RIOK3: variants seen among roughly 807,000 people sequenced by gnomAD.
The protein encoded by RIOK3 is serine/threonine-protein kinase RIO3.
In RIOK3, 40 loss-of-function variants were observed where a neutral mutation model predicts 63.5. That is an observed-to-expected ratio of 0.63 (90% confidence interval 0.49 to 0.82). The LOEUF (loss-of-function observed/expected upper bound fraction) is 0.82, where lower values mean the gene tolerates loss of function less well. Ranked by LOEUF, RIOK3 falls within the 40% of genes least tolerant of loss-of-function variation. The pLI is 0.00. For synonymous variants in RIOK3, 193 were observed against 205.0 expected, an observed-to-expected ratio of 0.94 and a Z score of 0.50; for missense variants, 557 against 637.0, an observed-to-expected ratio of 0.87 and a Z score of 1.35.
At chr18:23,466,540 A>T (rs2057409225) in intron 6 of RIOK3, among the ~76,000 whole-genome samples, 1 of 151,940 alleles carries the variant, frequency 6.6e-6, no homozygotes, top group Admixed American at 6.6e-5. Flanking sequence ...CACAAAAAAA[A>T]TTAGCTGGGC....
At chr18:23,480,189 T>G (rs143165082) in intron 12 of RIOK3, among the ~76,000 whole-genome samples, 480 of 152,130 alleles carry the variant, frequency 3.2e-3, no homozygotes, top group Non-Finnish European at 5.3e-3. Flanking sequence ...ATCTAAAAGG[T>G]GAAATAGCAG....
intron 2 of RIOK3, chr18:23,463,437 T>C (rs1460677413): frequency 6.4e-6 from 1 of 156,096 alleles, no homozygotes; most frequent in Non-Finnish European, 1.3e-5. Context: ...GAGATGGAAT[T>C]TCGCTCTTGT....
intron 5 of RIOK3, among the ~76,000 whole-genome samples, chr18:23,465,697 A>G (rs1320620772): frequency 6.6e-6 from 1 of 152,046 alleles, no homozygotes. Context: ...GCTAGTGGCT[A>G]CCTAACTGAA....
intron 2 of RIOK3, among the ~76,000 whole-genome samples, 175 bp from the exon 3 acceptor site, chr18:23,463,792 A>T (rs2057387432): frequency 1.3e-5 from 2 of 152,210 alleles, no homozygotes; most frequent in African/African-American, 4.8e-5. Flanking sequence ...TGGTACTCCC[A>T]CAGGTGCATG....
At position 23,481,475 on chromosome 18, in the gene RIOK3, C is replaced by A. The variant is rs1323487384; in HGVS notation, c.*196C>A. ...TTGAGAGAATAAAATGTCACTACCT[C>A]TCATCTTATGAACAGGATAATATAA... On this transcript the variant is annotated 3_prime_UTR_variant, in exon 13 of 13. Transcript: ENST00000339486. The A allele has an allele frequency of 2.1e-6, 1 of 477,002 alleles. No homozygotes were observed. The highest frequency in any genetic ancestry group is 3.4e-5 in the East Asian group (1 of 29,350). 29.5% of individuals were successfully genotyped at this position (477,002 alleles called of 1,614,324 possible).
chr18:23,455,899 G>C (rs12608006), intron 1 of RIOK3, among the ~76,000 whole-genome samples: 1 of 152,184 alleles, frequency 6.6e-6, no homozygotes, highest in East Asian at 1.9e-4. Flanking sequence ...CTGGGTTCAA[G>C]CAATTCTTCT....
At position 23,477,265 on chromosome 18, in the gene RIOK3, G is replaced by T; in HGVS notation, c.1341G>T (p.Ser447=). The T allele has an allele frequency of 6.2e-7, 1 of 1,613,422 alleles. No individual in the cohort carries two copies. Residue 447 remains serine, a synonymous_variant, in exon 11 of 13, where the codon TCG becomes TCT. Transcript: ENST00000339486. ...EFLFRDCRNV[S]QFFQKGGVKE... ...TGTTCCGGGACTGCAGGAATGTCTC[G>T]CAGGTAGACGTGTAAACCAATATGC...
chr18:23,463,889 C>T (rs907457016), intron 2 of RIOK3, 78 bp from the exon 3 acceptor site: 4 of 1,203,506 alleles, frequency 3.3e-6, no homozygotes, highest in South Asian at 1.5e-5. Context: ...ATGGAAAAGG[C>T]ACCTCCTACT....
Position 23,464,224 on chromosome 18 carries a change from A to G in RIOK3, c.344A>G (p.Asn115Ser). The change falls in exon 4 of 13, where the codon AAT becomes AGT. Residue 115 changes from asparagine (N) to serine (S), a missense_variant. By Grantham distance (46) the Asn-to-Ser change is conservative (BLOSUM62 1). This residue lies in a region of RIOK3 where 243 missense variants were observed against 275.4 expected (regional missense o/e 0.88). Coordinates refer to ENST00000339486, the MANE Select transcript of RIOK3 (RefSeq NM_003831.5). ...GDSKVSISFE[N>S]YRKVHPYEDS... The stretch of plus-strand genomic sequence containing the variant: ...TCTTAAGTTTCCATTTCCTTTGAAA[A>G]TTATCGAAAAGTGCATCCTTATGAA... 6.2e-7 allele frequency: 1 copy of G among 1,613,318 alleles called. No homozygotes were observed. Among genetic ancestry groups the G allele is most frequent in the African/African-American group, 1.3e-5 (1 of 75,012 alleles).
chr18:23,473,458 T>G lies in RIOK3; in HGVS notation c.845T>G (p.Val282Gly). 1 of 1,611,442 alleles carries G rather than the reference T, an allele frequency of 6.2e-7. No individual in the cohort carries two copies. Among genetic ancestry groups the G allele is most frequent in the Non-Finnish European group, 8.5e-7 (1 of 1,178,794 alleles). ...GAGGATGAAAAGGAAGATAGTAAAG[T>G]TATACCTACAGAATGTGCCATCAAG... ...SMEDEKEDSKVIPTECAIKVF... is the reference protein window; with the variant it reads ...SMEDEKEDSKGIPTECAIKVF... The change falls in exon 8 of 13, where the codon GTT (valine) becomes GGT (glycine). Residue 282 changes from valine to glycine, a missense_variant. Val to Gly is a moderately radical substitution (Grantham distance 109). This residue lies in a region of RIOK3 where 309 missense variants were observed against 338.7 expected (regional missense o/e 0.91). Coordinates refer to ENST00000339486, the MANE Select transcript of RIOK3 (RefSeq NM_003831.5).
intron 1 of RIOK3, among the ~76,000 whole-genome samples, chr18:23,456,018 G>T (rs543891628): frequency 6.6e-6 from 1 of 152,062 alleles, no homozygotes; most frequent in African/African-American, 2.4e-5. Context: ...GGATGGTCTC[G>T]ATCTCTTGAC....
chr18:23,467,617 C>T (rs1598809187), intron 7 of RIOK3, 91 bp downstream of exon 7: 1 of 1,239,372 alleles, frequency 8.1e-7, no homozygotes, highest in East Asian at 2.4e-5. Context: ...GATAATGCTG[C>T]ATGGCAAGCA....
chr18:23,466,428 C>T, intron 6 of RIOK3, 152 bp downstream of exon 6: 1 of 649,712 alleles, frequency 1.5e-6, no homozygotes, highest in Non-Finnish European at 2.5e-6. Context: ...CACTGTGGTG[C>T]CCGCCTGTAA....
At chr18:23,462,106 T>A (rs1000237685) in intron 1 of RIOK3, among the ~76,000 whole-genome samples, 2 of 116,844 alleles carry the variant, frequency 1.7e-5, no homozygotes, top group East Asian at 2.8e-4. Flanking sequence ...AAAAAAGAAA[T>A]AAAATTTAAA....
In RIOK3 at chr18:23,466,245, G is replaced by T. The variant is rs370007403; in HGVS notation, c.656G>T (p.Arg219Leu). The stretch of plus-strand genomic sequence containing the variant: ...TACTCAGAAGAACGTCGAAGTGCCC[G>T]CCTACATGAGAAAAAGGAGCATTCT... ...HAYSEERRSA[R>L]LHEKKEHSTA... Residue 219 changes from arginine (R) to leucine (L), a missense_variant, in exon 6 of 13, where the codon CGC (arginine) becomes CTC (leucine). Physicochemically the swap from Arg to Leu is moderately radical, Grantham distance 102 (BLOSUM62 -2). Transcript: ENST00000339486. 1.2e-6 allele frequency: 2 copies of T among 1,609,752 alleles called. No individual in the cohort carries two copies. The highest frequency in any genetic ancestry group is 3.4e-5 in the Admixed American group (2 of 59,640).
Position 23,464,310 on chromosome 18 carries a change from C to T in RIOK3, c.430C>T (p.Pro144Ser). Residue 144 changes from proline to serine, a missense_variant, in exon 4 of 13, where the codon CCA becomes TCA. This residue lies in a region of RIOK3 where 243 missense variants were observed against 275.4 expected (regional missense o/e 0.88). Transcript: ENST00000339486. ...GGATACTCGTGATGATCCCTACAGACCAGGTACCAAAGTTTTTACTTTCTG... is the reference window on the plus strand; with the variant it reads ...GGATACTCGTGATGATCCCTACAGATCAGGTACCAAAGTTTTTACTTTCTG... ...WQDTRDDPYR[P>S]AKPVPTPKKG... 6.2e-7 allele frequency: 1 copy of T among 1,608,830 alleles called. No individual in the cohort carries two copies. The highest frequency in any genetic ancestry group is 2.2e-5 in the East Asian group (1 of 44,864).
At chr18:23,478,606 C>CATATATATATATATAT (rs67305895) in intron 11 of RIOK3, among the ~76,000 whole-genome samples, 2 of 130,894 alleles carry the variant, frequency 1.5e-5, no homozygotes, top group African/African-American at 3.2e-5. Flanking sequence ...AAAAACAAAA[C>CATATATATATATATAT]ATATATATAT....
chr18:23,456,625 T>C (rs1285023591), intron 1 of RIOK3, among the ~76,000 whole-genome samples: 1 of 152,048 alleles, frequency 6.6e-6, no homozygotes, highest in Non-Finnish European at 1.5e-5. Flanking sequence ...ACGTGTGGCC[T>C]CAAGCAGTCT....
chr18:23,469,802 G>A (rs892855361), intron 7 of RIOK3, among the ~76,000 whole-genome samples: 1 of 152,036 alleles, frequency 6.6e-6, no homozygotes, highest in African/African-American at 2.4e-5. Flanking sequence ...TCTGGTTTCT[G>A]TCACTCTCAG....
Sources: gnomAD v4.1 joint callset for allele counts (sites outside exome capture counted in the v4.1 genomes callset) on GRCh38, gnomAD v4.1.1 for gene constraint, gnomAD v4.1.1 regional missense constraint, MANE v1.5 for transcripts, NCBI Gene and HGNC (gene_info 2026-07-23, HGNC 2026-07-21) for gene names.